PPM1L: variants seen among roughly 807,000 people sequenced by gnomAD.
The protein encoded by PPM1L is protein phosphatase, Mg2+/Mn2+ dependent 1L.
A neutral mutation model predicts 31.4 loss-of-function variants in PPM1L; 13 were observed. The ratio of observed to expected loss-of-function variants is 0.41; its 90% CI spans 0.27 to 0.66. PPM1L has a LOEUF of 0.66. PPM1L is among the 30% of genes least tolerant of loss of function. The pLI is 0.29. For synonymous variants in PPM1L, 184 were observed against 175.4 expected, an observed-to-expected ratio of 1.05 and a Z score of -0.39; for missense variants, 326 against 453.7, an observed-to-expected ratio of 0.72 and a Z score of 2.56.
At chr3:160,835,132 C>CTTCTTCCTTT (rs1480271686) in intron 1 of PPM1L, among the ~76,000 whole-genome samples, 16 of 110,018 alleles carry the variant, frequency 1.5e-4, no homozygotes, top group African/African-American at 4.3e-4. Flanking sequence ...TTCTTTCTTC[C>CTTCTTCCTTT]TTCTTCCTTT....
At chr3:160,998,365 G>A (rs912002619) in intron 2 of PPM1L, among the ~76,000 whole-genome samples, 1 of 152,158 alleles carries the variant, frequency 6.6e-6, no homozygotes, top group East Asian at 1.9e-4. Context: ...GCTAGAATAT[G>A]TATTTACTTG....
At position 160,937,356 on chromosome 3, in the gene PPM1L, C is replaced by G. The variant is rs139919867; in HGVS notation, c.400-24380C>G. ...ATGTAAGAGGCCAGGCGTGGTGGCTCACGCCTGTAATCCCAGCACTTTGGG... is the reference window on the plus strand; with the variant it reads ...ATGTAAGAGGCCAGGCGTGGTGGCTGACGCCTGTAATCCCAGCACTTTGGG... On this transcript the variant is annotated intron_variant, in intron 1 of 3. Coordinates refer to ENST00000498165, the MANE Select transcript of PPM1L (RefSeq NM_139245.4). Among the ~76,000 whole-genome samples the G allele has an allele frequency of 4.3e-3, 656 of 152,278 alleles. 4 individuals are homozygous for G. The highest frequency in any genetic ancestry group is 0.015 in the African/African-American group (629 of 41,554).
At chr3:160,913,725 TGTCA>T (rs577394992) in intron 1 of PPM1L, among the ~76,000 whole-genome samples, 1 of 152,334 alleles carries the variant, frequency 6.6e-6, no homozygotes, top group Admixed American at 6.5e-5. Context: ...TCGTTTTATA[TGTCA>T]GTAGTTCATT....
chr3:160,897,227 G>A (rs1280613468), intron 1 of PPM1L, among the ~76,000 whole-genome samples: 1 of 152,054 alleles, frequency 6.6e-6, no homozygotes, highest in East Asian at 1.9e-4. Context: ...ATTTTTAGTA[G>A]AGATGGGGTT....
intron 2 of PPM1L, among the ~76,000 whole-genome samples, chr3:161,024,196 C>T (rs1718313677): frequency 6.9e-6 from 1 of 144,602 alleles, no homozygotes; most frequent in South Asian, 2.1e-4. Context: ...ACCTGGGAGG[C>T]AGAGGTTGCA....
intron 1 of PPM1L, among the ~76,000 whole-genome samples, chr3:160,814,623 ATATG>A (rs1266757013): frequency 1.3e-5 from 2 of 150,230 alleles, no homozygotes; most frequent in African/African-American, 4.9e-5. Context: ...ATACACACAC[ATATG>A]TATGTATGTG....
intron 1 of PPM1L, among the ~76,000 whole-genome samples, chr3:160,849,000 G>A (rs1028451295): frequency 1.3e-5 from 2 of 152,106 alleles, no homozygotes; most frequent in African/African-American, 4.8e-5. Flanking sequence ...TCTCTCTCCA[G>A]TACTACCGCA....
chr3:160,862,778 T>C (rs1711948978), intron 1 of PPM1L, among the ~76,000 whole-genome samples: 1 of 150,566 alleles, frequency 6.6e-6, no homozygotes, highest in Non-Finnish European at 1.5e-5. Flanking sequence ...ATAAAAATGG[T>C]CATATTTAGG....
At position 160,771,554 on chromosome 3, in the gene PPM1L, T is replaced by TC; in HGVS notation, c.399+14847_399+14848insC. On this transcript the variant is annotated intron_variant, in intron 1 of 3. Transcript: ENST00000498165. ...CACCAAGGCTGGCTCTTTTTTTTTTTTTTTTTTTTTTTTTTTAAAAAGAGC... is the reference window on the plus strand; with the variant it reads ...CACCAAGGCTGGCTCTTTTTTTTTTTCTTTTTTTTTTTTTTTTAAAAAGAGC... Among the ~76,000 whole-genome samples the TC allele has an allele frequency of 1.4e-5, 2 of 147,504 alleles. 1 individual carries two copies. The highest frequency in any genetic ancestry group is 4.3e-4 in the South Asian group (2 of 4,704).
chr3:160,942,784 A>C lies in PPM1L; in HGVS notation c.400-18952A>C, dbSNP rs147158434. ...TATGTGCATGGACCCCTCCATGTGC[A>C]TATAAACATCATAGATATAAAGCTA... On this transcript the variant is annotated intron_variant, in intron 1 of 3. Transcript: ENST00000498165. 2.3e-3 allele frequency among the ~76,000 whole-genome samples: 354 copies of C among 152,352 alleles called. 2 individuals are homozygous for C. Among genetic ancestry groups the C allele is most frequent in the African/African-American group, 8.0e-3 (334 of 41,590 alleles).
intron 1 of PPM1L, among the ~76,000 whole-genome samples, chr3:160,954,931 C>CTTT (rs1715707206): frequency 2.8e-5 from 1 of 35,360 alleles, no homozygotes; most frequent in African/African-American, 6.4e-5. Flanking sequence ...TTCTTTCCTT[C>CTTT]CTTCCTTCCT....
At chr3:160,998,261 G>A (rs1717384504) in intron 2 of PPM1L, among the ~76,000 whole-genome samples, 1 of 152,064 alleles carries the variant, frequency 6.6e-6, no homozygotes, top group African/African-American at 2.4e-5. Context: ...GAGTTCACCT[G>A]GGACTCACTA....
At chr3:160,828,298 C>G (rs1409074994) in intron 1 of PPM1L, among the ~76,000 whole-genome samples, 5 of 151,996 alleles carry the variant, frequency 3.3e-5, no homozygotes, top group African/African-American at 1.2e-4. Context: ...CCATATTTAC[C>G]AAACCTTAAA....
intron 1 of PPM1L, among the ~76,000 whole-genome samples, chr3:160,788,813 C>T (rs1712014374): frequency 6.6e-6 from 1 of 151,846 alleles, no homozygotes; most frequent in Non-Finnish European, 1.5e-5. Context: ...TTTTGAAATG[C>T]AGTTTTATGT....
intron 2 of PPM1L, among the ~76,000 whole-genome samples, chr3:161,042,880 C>T (rs1226408207): frequency 2.0e-5 from 3 of 151,728 alleles, no homozygotes; most frequent in Non-Finnish European, 2.9e-5. Context: ...ATTAGCTGGG[C>T]GTAGTGGCAG....
At chr3:160,839,950 G>A (rs1425773127) in intron 1 of PPM1L, among the ~76,000 whole-genome samples, 1 of 152,182 alleles carries the variant, frequency 6.6e-6, no homozygotes, top group African/African-American at 2.4e-5. Context: ...TAGTGATAGA[G>A]TTGAGACATA....
chr3:160,806,108 C>A (rs1712593954), intron 1 of PPM1L, among the ~76,000 whole-genome samples: 1 of 152,190 alleles, frequency 6.6e-6, no homozygotes, highest in Admixed American at 6.5e-5. Context: ...CCCTGGAAAA[C>A]TACTCCAGCC....
At chr3:161,011,488 T>C (rs1717893159) in intron 2 of PPM1L, among the ~76,000 whole-genome samples, 1 of 152,140 alleles carries the variant, frequency 6.6e-6, no homozygotes, top group Non-Finnish European at 1.5e-5. Context: ...TAGGATTGTC[T>C]TGGCAATGTG....
At chr3:160,823,151 T>C (rs1483880377) in intron 1 of PPM1L, among the ~76,000 whole-genome samples, 1 of 152,002 alleles carries the variant, frequency 6.6e-6, no homozygotes, top group African/African-American at 2.4e-5. Context: ...GTTGCCAGGG[T>C]AGCTTTTGTT....
Sources: allele counts gnomAD v4.1 joint callset (sites outside exome capture counted in the v4.1 genomes callset), GRCh38; gene constraint gnomAD v4.1.1; transcripts MANE v1.5; gene names NCBI Gene and HGNC (gene_info 2026-07-23, HGNC 2026-07-21).